PYY: variants seen among roughly 807,000 people sequenced by gnomAD.
The protein encoded by PYY is peptide tyrosine tyrosine.
Under a neutral mutation model 10.3 loss-of-function variants are expected in PYY, and 12 were observed. That is an observed-to-expected ratio of 1.17 (90% CI 0.75 to 1.89). The LOEUF (loss-of-function observed/expected upper bound fraction) is 1.89. Among genes scored for constraint, PYY ranks in the 40% most tolerant of loss-of-function variants. The probability of loss-of-function intolerance (pLI) is 0.00; values close to 1 mark genes in which losing one functional copy is unlikely to be tolerated. For synonymous variants in PYY, 66 were observed against 62.0 expected (o/e 1.06, Z -0.30); for missense variants, 141 against 134.0 (o/e 1.05, Z -0.26).
intron 1 of PYY, among the ~76,000 whole-genome samples, chr17:43,999,315 G>A (rs562273323): frequency 8.5e-5 from 13 of 152,266 alleles, no homozygotes; most frequent in Middle Eastern, 3.4e-3. Context: ...AAGGGAGAAC[G>A]AGAGGGAGGA....
intron 1 of PYY, among the ~76,000 whole-genome samples, chr17:43,999,700 A>G (rs1313985610): frequency 2.6e-5 from 4 of 151,806 alleles, no homozygotes; most frequent in Admixed American, 1.3e-4. Flanking sequence ...CCCAGGAGGC[A>G]GAGGTTGCAG....
Position 43,970,103 on chromosome 17 carries a change from AAGT to A in PYY, c.-462-3574_-462-3572del, listed in dbSNP as rs1404769729. On this transcript the variant is annotated intron_variant, in intron 1 of 6. Coordinates refer to the PYY transcript ENST00000360085. ...GTAGTCTCAGCTACTGGGGAGGCTGAAGTGGGGGAATCGCTTAAACCCAGGAGT... is the reference window on the plus strand; with the variant it reads ...GTAGTCTCAGCTACTGGGGAGGCTGAGGGGGAATCGCTTAAACCCAGGAGT... Among the ~76,000 whole-genome samples, 865 of 148,450 alleles carry A rather than the reference AAGT, an allele frequency of 5.8e-3. 4 individuals are homozygous for A. Among genetic ancestry groups the A allele is most frequent in the Non-Finnish European group, 9.4e-3 (632 of 67,302 alleles).
At chr17:43,953,545 G>A in intron 1 of PYY, 62 bp from the exon 2 acceptor site, 3 of 1,442,218 alleles carry the variant, frequency 2.1e-6, no homozygotes, top group Middle Eastern at 3.7e-4. Context: ...GCGGGAGGCT[G>A]CGGCTGCCGT....
chr17:43,966,334 C>G (rs2048755843), exon 2 of PYY: 2 of 153,226 alleles, frequency 1.3e-5, no homozygotes, highest in African/African-American at 4.8e-5. Context: ...CAGGGACCTC[C>G]AGCTCCATGA....
At chr17:44,001,579 G>T (rs554233451) in intron 1 of PYY, among the ~76,000 whole-genome samples, 2 of 152,178 alleles carry the variant, frequency 1.3e-5, no homozygotes, top group Admixed American at 1.3e-4. Flanking sequence ...CAGGGTCAAT[G>T]GGCCTGGAGT....
intron 1 of PYY, 117 bp from the exon 2 acceptor site, chr17:43,953,600 A>G (rs1261559342): frequency 5.1e-6 from 5 of 983,294 alleles, no homozygotes; most frequent in African/African-American, 1.7e-5. Context: ...TACCGGACCA[A>G]GGCTCAGCCA....
intron 2 of PYY, 24 bp from the exon 3 acceptor site, chr17:43,953,213 G>T (rs371923343): frequency 3.7e-6 from 6 of 1,613,126 alleles, no homozygotes; most frequent in South Asian, 1.1e-5. Flanking sequence ...AGGGAAGAGC[G>T]TGGTCAGATC....
At chr17:43,990,955 C>T (rs957384563) in intron 1 of PYY, among the ~76,000 whole-genome samples, 3 of 151,626 alleles carry the variant, frequency 2.0e-5, no homozygotes, top group East Asian at 2.0e-4. Context: ...CCACCACGCC[C>T]GGCTAATTTT....
chr17:43,993,823 T>G (rs1423675765), intron 1 of PYY, among the ~76,000 whole-genome samples: 1 of 151,764 alleles, frequency 6.6e-6, no homozygotes, highest in Non-Finnish European at 1.5e-5. Flanking sequence ...CTTCTCTAAG[T>G]TACTTTTATT....
chr17:43,968,168 G>A (rs1401768848), intron 1 of PYY, among the ~76,000 whole-genome samples: 1 of 151,906 alleles, frequency 6.6e-6, no homozygotes, highest in Non-Finnish European at 1.5e-5. Context: ...ATCACTTGCG[G>A]GCAGGAGTAA....
chr17:43,968,089 G>A (rs182083003), intron 1 of PYY, among the ~76,000 whole-genome samples: 17 of 152,184 alleles, frequency 1.1e-4, no homozygotes, highest in Admixed American at 3.9e-4. Flanking sequence ...TTCCCTCTCC[G>A]ATCAAGAGTT....
chr17:43,969,774 C>CGCG (rs1225810376), intron 1 of PYY, among the ~76,000 whole-genome samples: 1 of 148,846 alleles, frequency 6.7e-6, no homozygotes, highest in African/African-American at 2.5e-5. Context: ...GATGGAGTCT[C>CGCG]GCTCTGTCAC....
intron 1 of PYY, among the ~76,000 whole-genome samples, chr17:43,967,254 G>A (rs1020952296): frequency 5.9e-5 from 9 of 152,162 alleles, no homozygotes; most frequent in African/African-American, 1.9e-4. Flanking sequence ...AATGAGCTGA[G>A]ATCACACCAC....
chr17:43,983,845 C>G (rs1731892), intron 1 of PYY, among the ~76,000 whole-genome samples: 143,066 of 152,292 alleles, frequency 0.94, 67,235 homozygotes, highest in East Asian at 1. Flanking sequence ...CCGGCCTCCC[C>G]GGGTCCTCCC....
At chr17:43,983,449 C>A (rs2048896095) in intron 1 of PYY, among the ~76,000 whole-genome samples, 1 of 152,212 alleles carries the variant, frequency 6.6e-6, no homozygotes, top group Admixed American at 6.5e-5. Flanking sequence ...CCCAGTCCTG[C>A]TGAGAACGGG....
rs567563960 is a variant in PYY at position 43,964,143 on chromosome 17, C to A, written c.-218+2145G>T. ...CAATCAGCCTCCTGAGCAGCTGGGA[C>A]TACAGGTGCATACCACCACATCTAG... On this transcript the variant is annotated intron_variant, in intron 2 of 6. Coordinates refer to the PYY transcript ENST00000360085. Among the ~76,000 whole-genome samples the A allele has an allele frequency of 2.0e-5, 3 of 152,300 alleles. 1 individual carries two copies. The Middle Eastern group carries it at 0.01, about 518-fold the overall frequency.
At chr17:43,959,404 G>T (rs1485980334) in intron 2 of PYY, among the ~76,000 whole-genome samples, 1 of 152,230 alleles carries the variant, frequency 6.6e-6, no homozygotes, top group Non-Finnish European at 1.5e-5. Context: ...ATAAAAATAG[G>T]CTGGGTGCAG....
chr17:43,963,616 AAGAAAGAAAGAGAAAG>A (rs2048732401), intron 2 of PYY, among the ~76,000 whole-genome samples: 1 of 93,398 alleles, frequency 1.1e-5, no homozygotes, highest in Non-Finnish European at 2.7e-5. Flanking sequence ...GAAAGAAAGA[AAGAAAGAAAGAGAAAG>A]AAAGAAAAGA....
At chr17:43,989,403 A>T (rs2048938023) in intron 1 of PYY, among the ~76,000 whole-genome samples, 2 of 151,754 alleles carry the variant, frequency 1.3e-5, no homozygotes, top group Admixed American at 6.6e-5. Flanking sequence ...AACAAAAAAC[A>T]CACATAACAT....
Sources: gnomAD v4.1 joint callset for allele counts (sites outside exome capture counted in the v4.1 genomes callset) on GRCh38, gnomAD v4.1.1 for gene constraint, MANE v1.5 for transcripts, NCBI Gene and HGNC (gene_info 2026-07-23, HGNC 2026-07-21) for gene names.